Variants in AAK1 observed in about 807,000 individuals in gnomAD.
AAK1 encodes AP2 associated kinase 1.
AAK1 carries 37 observed loss-of-function variants against 116.0 expected under a neutral mutation model. That is an observed-to-expected ratio of 0.32 (90% CI 0.25 to 0.42). The LOEUF (loss-of-function observed/expected upper bound fraction) is 0.42, where lower values mean the gene tolerates loss of function less well. Ranked by LOEUF, AAK1 falls within the 10% of genes least tolerant of loss-of-function variation. The pLI, the probability that AAK1 is intolerant of heterozygous loss-of-function variation, is 1.00. For missense variants in AAK1, 919 were observed against 1,170.6 expected, an observed-to-expected ratio of 0.79 and a Z score of 3.14; for synonymous variants, 458 against 439.9, an observed-to-expected ratio of 1.04 and a Z score of -0.51.
At chr2:69,620,841 C>G (rs1282271620) in intron 2 of AAK1, among the ~76,000 whole-genome samples, 1 of 152,202 alleles carries the variant, frequency 6.6e-6, no homozygotes, top group Admixed American at 6.5e-5. Context: ...GATTTGCAAA[C>G]TTGAATACAA....
rs1674738386 is a variant in AAK1 at position 69,473,216 on chromosome 2, C to A, written c.*2653G>T. On this transcript the variant is annotated 3_prime_UTR_variant, in exon 22 of 22. Transcript: ENST00000409085. ...TCCCAGGTGGCCTGTCCTGCCCAGG[C>A]CTCTTCTCCCCCGACCCTGTTCAAT... 2 of 875,170 alleles carry A rather than the reference C, an allele frequency of 2.3e-6. No individual in the cohort carries two copies. The highest frequency in any genetic ancestry group is 2.7e-6 in the Non-Finnish European group (2 of 729,482). The allele number at this position is 875,170 out of a possible 1,614,324, so 54.2% of individuals were successfully genotyped here.
chr2:69,531,004 T>C (rs1420560166), intron 6 of AAK1, among the ~76,000 whole-genome samples: 1 of 152,164 alleles, frequency 6.6e-6, no homozygotes, highest in Non-Finnish European at 1.5e-5. Flanking sequence ...GACAAAATCT[T>C]CTCAAAATTC....
chr2:69,492,779 C>G (rs1675581438), intron 17 of AAK1, among the ~76,000 whole-genome samples: 1 of 151,992 alleles, frequency 6.6e-6, no homozygotes, highest in Non-Finnish European at 1.5e-5. Flanking sequence ...CCGCCTCGAC[C>G]TCCCAAAGTG....
In AAK1 at chr2:69,465,908, G is replaced by A. The variant is rs1434292118; in HGVS notation, c.*9961C>T. 5 of 1,290,742 alleles carry A rather than the reference G, an allele frequency of 3.9e-6. No individual in the cohort carries two copies. The highest frequency in any genetic ancestry group is 5.1e-6 in the Non-Finnish European group (5 of 988,882). The allele number at this position is 1,290,742 out of a possible 1,614,324, so 80.0% of individuals were successfully genotyped here. ...GGGGGACATCACCTGTCTGACTGAG[G>A]AGACCGGTCTGTGCAGGCAGCTCCT... On this transcript the variant is annotated 3_prime_UTR_variant, in exon 22 of 22. Transcript: ENST00000409085.
chr2:69,475,588 T>G lies in AAK1; in HGVS notation c.*281A>C. 4.3e-6 allele frequency: 5 copies of G among 1,163,340 alleles called. No homozygotes were observed. Among genetic ancestry groups the G allele is most frequent in the Non-Finnish European group, 5.3e-6 (5 of 940,182 alleles). 72.1% of individuals were successfully genotyped at this position (1,163,340 alleles called of 1,614,324 possible). A position where few individuals can be genotyped will look rare whatever the true frequency, so the allele number is the denominator to read the frequency against. The stretch of plus-strand genomic sequence containing the variant: ...GAGTTGATTCCAGCAGAGGTGAAGC[T>G]CATGGCATCTAGTGCTTGATTTAAG... On this transcript the variant is annotated 3_prime_UTR_variant, in exon 22 of 22. Transcript: ENST00000409085.
At chr2:69,486,436 T>C (rs945345834) in intron 17 of AAK1, among the ~76,000 whole-genome samples, 5 of 152,162 alleles carry the variant, frequency 3.3e-5, no homozygotes, top group African/African-American at 9.7e-5. Flanking sequence ...ATAACTTGTA[T>C]GGTCACGGCT....
intron 11 of AAK1, among the ~76,000 whole-genome samples, chr2:69,520,363 T>TC (rs927682936): frequency 2.0e-5 from 3 of 148,398 alleles, no homozygotes; most frequent in African/African-American, 7.5e-5. Flanking sequence ...CTTTTCTTTT[T>TC]TTTTTTTTTT....
intron 17 of AAK1, among the ~76,000 whole-genome samples, chr2:69,489,044 G>A (rs998202472): frequency 6.7e-6 from 1 of 149,420 alleles, no homozygotes; most frequent in Non-Finnish European, 1.5e-5. Flanking sequence ...TGGCGTCCCT[G>A]TATGTTACCC....
chr2:69,579,323 T>C (rs1252687058), intron 2 of AAK1, among the ~76,000 whole-genome samples: 1 of 152,194 alleles, frequency 6.6e-6, no homozygotes, highest in Non-Finnish European at 1.5e-5. Flanking sequence ...CTCATGCCTG[T>C]AATCCCAGTA....
intron 2 of AAK1, chr2:69,598,868 T>C (rs1208592158): frequency 3.6e-6 from 1 of 278,076 alleles, no homozygotes; most frequent in East Asian, 1.2e-4. Context: ...TCAACTCAGA[T>C]GTGTGATTGC....
intron 2 of AAK1, among the ~76,000 whole-genome samples, chr2:69,607,890 T>C (rs1057506308): frequency 6.6e-6 from 1 of 152,084 alleles, no homozygotes; most frequent in Non-Finnish European, 1.5e-5. Context: ...GTCAAAAGAA[T>C]TGTCTTATAG....
Position 69,525,025 on chromosome 2 carries a change from T to C in AAK1, c.1055+8A>G. ...AGGAGGACATGTGTTCATGAAGGCA[T>C]TTCTTACCTGGCCTTTGGCTGGGTC... On this transcript the variant is annotated splice_region_variant and intron_variant, in intron 10 of 21. Coordinates refer to ENST00000409085, the MANE Select transcript of AAK1 (RefSeq NM_014911.5). The C allele has an allele frequency of 6.2e-7, 1 of 1,613,610 alleles. No individual in the cohort carries two copies. Among genetic ancestry groups the C allele is most frequent in the Non-Finnish European group, 8.5e-7 (1 of 1,179,534 alleles).
In AAK1 at chr2:69,553,437, G is replaced by GTTTTT. The variant is rs70954350; in HGVS notation, c.282+3418_282+3422dup. 7.9e-3 allele frequency among the ~76,000 whole-genome samples: 630 copies of GTTTTT among 79,596 alleles called. 52 individuals carry two copies. Among genetic ancestry groups the GTTTTT allele is most frequent in the African/African-American group, 0.03 (559 of 18,908 alleles). The allele number at this position is 79,596 out of a possible 152,430, so 52.2% of individuals were successfully genotyped here. ...AAAGATACTTCTAGAATTGAAAGTT[G>GTTTTT]TTTTTTTTTTTTTTTTTTTTTTTTT... On this transcript the variant is annotated intron_variant, in intron 3 of 21. Coordinates refer to ENST00000409085, the MANE Select transcript of AAK1 (RefSeq NM_014911.5).
intron 2 of AAK1, among the ~76,000 whole-genome samples, chr2:69,613,679 G>A (rs757916769): frequency 1.3e-5 from 2 of 152,202 alleles, no homozygotes; most frequent in Non-Finnish European, 2.9e-5. Flanking sequence ...AGATAGCTCC[G>A]TATGTGGAGG....
intron 2 of AAK1, among the ~76,000 whole-genome samples, chr2:69,571,160 C>T (rs903535972): frequency 2.6e-5 from 4 of 152,188 alleles, no homozygotes; most frequent in African/African-American, 9.7e-5. Context: ...ATACTCTTCA[C>T]CCTATGCTAA....
intron 20 of AAK1, 73 bp downstream of exon 20, chr2:69,478,878 A>G: frequency 7.8e-7 from 1 of 1,286,024 alleles, no homozygotes; most frequent in Non-Finnish European, 1.1e-6. Context: ...TTTGATAAGA[A>G]AAACTTTCAA....
rs1673080330 is a variant in AAK1, at chr2:69,592,569, G to A, written c.164-35591C>T. 2.0e-5 allele frequency among the ~76,000 whole-genome samples: 3 copies of A among 152,032 alleles called. No homozygotes were observed. In the South Asian group the frequency reaches 6.2e-4, roughly 32 times the overall value. On this transcript the variant is annotated intron_variant, in intron 2 of 21. Transcript: ENST00000409085. The stretch of plus-strand genomic sequence containing the variant: ...AGATGGTTTTCTATAAACATAACAT[G>A]AAAAGAGTAACCAAAAATTTGATTC...
chr2:69,642,160 T>C (rs1017610097), intron 2 of AAK1, among the ~76,000 whole-genome samples: 1 of 152,054 alleles, frequency 6.6e-6, no homozygotes, highest in Admixed American at 6.5e-5. Flanking sequence ...TCCTCTCTGA[T>C]AGCGAAAAAA....
At chr2:69,541,227 C>CTTTTTTTTTTTTTT (rs545915571) in intron 5 of AAK1, among the ~76,000 whole-genome samples, 1 of 125,298 alleles carries the variant, frequency 8.0e-6, no homozygotes, top group Non-Finnish European at 1.7e-5. Flanking sequence ...TTTTATACTT[C>CTTTTTTTTTTTTTT]TTTTTTTTTT....
Sources: allele counts gnomAD v4.1 joint callset (sites outside exome capture counted in the v4.1 genomes callset), GRCh38; gene constraint gnomAD v4.1.1; transcripts MANE v1.5; gene names NCBI Gene and HGNC (gene_info 2026-07-23, HGNC 2026-07-21).